Variants in IPO9 observed in about 807,000 individuals in gnomAD.
IPO9 encodes the protein importin-9.
In IPO9, 28 loss-of-function variants were observed where a neutral mutation model predicts 128.6. That is an observed-to-expected ratio of 0.22 (90% CI 0.16 to 0.30). The LOEUF is 0.30. Ranked by LOEUF, IPO9 falls within the 10% of genes least tolerant of loss-of-function variation. The pLI is 1.00. For missense variants in IPO9, 935 were observed against 1,293.9 expected (o/e 0.72, Z 4.26); for synonymous variants, 455 against 475.8 (o/e 0.96, Z 0.57).
Position 201,874,245 on chromosome 1 carries a change from C to T in IPO9, c.2711-5C>T. The T allele has an allele frequency of 6.2e-7, 1 of 1,613,538 alleles. No individual in the cohort carries two copies. Among genetic ancestry groups the T allele is most frequent in the Non-Finnish European group, 8.5e-7 (1 of 1,179,722 alleles). On this transcript the variant is annotated splice_region_variant and splice_polypyrimidine_tract_variant and intron_variant, in intron 20 of 23. Transcript: ENST00000361565. The stretch of plus-strand genomic sequence containing the variant: ...CTGACTTGAAACCTTTTTCTTCCTT[C>T]CCAGACCCAGAACGCTGGACAAACA...
At chr1:201,840,101 T>C (rs1680009437) in intron 1 of IPO9, among the ~76,000 whole-genome samples, 1 of 152,242 alleles carries the variant, frequency 6.6e-6, no homozygotes, top group Admixed American at 6.5e-5. Context: ...TTATTTTATT[T>C]ACTTTTGAGA....
At chr1:201,845,026 G>C (rs1023853151) in intron 1 of IPO9, among the ~76,000 whole-genome samples, 2 of 87,438 alleles carry the variant, frequency 2.3e-5, no homozygotes, top group Non-Finnish European at 3.2e-5. Flanking sequence ...TTTTTTGGGA[G>C]GGGGGGGCGT....
At chr1:201,859,061 C>T (rs1386270605) in intron 13 of IPO9, 67 bp downstream of exon 13, 2 of 1,523,974 alleles carry the variant, frequency 1.3e-6, no homozygotes, top group Non-Finnish European at 1.8e-6. Flanking sequence ...GGGGAGGGAT[C>T]AGCATTAGGA....
intron 1 of IPO9, among the ~76,000 whole-genome samples, chr1:201,843,947 TAATA>T (rs1380787514): frequency 1.3e-5 from 2 of 152,072 alleles, no homozygotes; most frequent in East Asian, 1.9e-4. Flanking sequence ...TATAATATTG[TAATA>T]AATAAAGGAG....
At position 201,877,339 on chromosome 1, in the gene IPO9, T is replaced by A. The variant is rs1680783500; in HGVS notation, c.*1285T>A. 1 of 152,130 alleles carries A rather than the reference T, an allele frequency of 6.6e-6. No individual in the cohort carries two copies. Among genetic ancestry groups the A allele is most frequent in the Non-Finnish European group, 1.5e-5 (1 of 68,034 alleles). The allele number at this position is 152,130 out of a possible 1,614,324, so 9.4% of individuals were successfully genotyped here. A position where few individuals can be genotyped will look rare whatever the true frequency, so the allele number is the denominator to read the frequency against. Reference sequence around the variant, plus strand: ...AACACAGTGAAACCTGCATTTCTACTAAAAATACAAAAATTAGCTGGGCAT... The same window carrying A: ...AACACAGTGAAACCTGCATTTCTACAAAAAATACAAAAATTAGCTGGGCAT... On this transcript the variant is annotated 3_prime_UTR_variant, in exon 24 of 24. Coordinates refer to ENST00000361565, the MANE Select transcript of IPO9 (RefSeq NM_018085.5).
In IPO9 at chr1:201,883,200, A is replaced by C. The variant is rs541886792; in HGVS notation, c.*7146A>C. ...CCCCCCCCAACAACTTAGTCCAAGAACATACCTGAATTCTTTGCATTTCCT... is the reference window on the plus strand; with the variant it reads ...CCCCCCCCAACAACTTAGTCCAAGACCATACCTGAATTCTTTGCATTTCCT... On this transcript the variant is annotated 3_prime_UTR_variant, in exon 24 of 24. Transcript: ENST00000361565. 3 of 142,708 alleles carry C rather than the reference A, an allele frequency of 2.1e-5. No individual in the cohort carries two copies. Among genetic ancestry groups the C allele is most frequent in the Non-Finnish European group, 4.6e-5 (3 of 64,674 alleles). The allele number at this position is 142,708 out of a possible 1,614,324, so 8.8% of individuals were successfully genotyped here. A position where few individuals can be genotyped will look rare whatever the true frequency, so the allele number is the denominator to read the frequency against.
chr1:201,867,873 C>T (rs1680584003), intron 15 of IPO9, among the ~76,000 whole-genome samples: 1 of 152,098 alleles, frequency 6.6e-6, no homozygotes, highest in Non-Finnish European at 1.5e-5. Context: ...AAAATGTGTA[C>T]TGAGGAGCTT....
chr1:201,856,412 A>G (rs889857435), intron 10 of IPO9, among the ~76,000 whole-genome samples: 8 of 152,172 alleles, frequency 5.3e-5, no homozygotes, highest in Non-Finnish European at 8.8e-5. Flanking sequence ...AAGAACGTTC[A>G]AAAATTAGAT....
At chr1:201,869,794 C>G (rs1156492934) in intron 17 of IPO9, 76 bp downstream of exon 17, 1 of 1,497,916 alleles carries the variant, frequency 6.7e-7, no homozygotes, top group Non-Finnish European at 9.0e-7. Context: ...AGAAATCTGA[C>G]ATGGTTTTAT....
intron 6 of IPO9, 36 bp from the exon 7 acceptor site, chr1:201,854,559 G>T: frequency 1.2e-6 from 2 of 1,609,782 alleles, no homozygotes; most frequent in Non-Finnish European, 1.7e-6. Context: ...ATGGATTAGG[G>T]GTTTGTCCAG....
At chr1:201,860,528 C>G (rs887069883) in intron 13 of IPO9, among the ~76,000 whole-genome samples, 4 of 152,178 alleles carry the variant, frequency 2.6e-5, no homozygotes, top group Admixed American at 6.5e-5. Flanking sequence ...CCCATCAACA[C>G]ATTTCTTATA....
At chr1:201,866,569 G>A (rs902201959) in intron 14 of IPO9, among the ~76,000 whole-genome samples, 164 bp from the exon 15 acceptor site, 1 of 152,016 alleles carries the variant, frequency 6.6e-6, no homozygotes, top group Admixed American at 6.6e-5. Context: ...AAATGGTGGT[G>A]TTGATGTTTA....
intron 13 of IPO9, among the ~76,000 whole-genome samples, chr1:201,860,121 C>T (rs1332262982): frequency 6.6e-6 from 1 of 152,206 alleles, no homozygotes. Flanking sequence ...GAAAACACTG[C>T]CTTTGCTTTC....
chr1:201,859,049 TGGG>T (rs1446842264), intron 13 of IPO9, 55 bp downstream of exon 13: 1 of 1,566,510 alleles, frequency 6.4e-7, no homozygotes, highest in Admixed American at 1.7e-5. Context: ...GTTGTGGGGT[TGGG>T]GGAGGGATCA....
Position 201,858,441 on chromosome 1 carries a change from C to CTA in IPO9, c.1222-3_1222-2dup. 1 of 1,512,446 alleles carries CTA rather than the reference C, an allele frequency of 6.6e-7. No homozygotes were observed. Among genetic ancestry groups the CTA allele is most frequent in the East Asian group, 2.3e-5 (1 of 43,740 alleles). The allele number at this position is 1,512,446 out of a possible 1,614,324, so 93.7% of individuals were successfully genotyped here. ...AACAGATTTATTAGCTCTTCTCTCT[C>CTA]TATAGGCTGTGGCCACAGATTTCCA... On this transcript the variant is annotated splice_region_variant and splice_polypyrimidine_tract_variant and intron_variant, in intron 11 of 23. Transcript: ENST00000361565.
At position 201,876,078 on chromosome 1, in the gene IPO9, C is replaced by A; in HGVS notation, c.*24C>A. 6.7e-7 allele frequency: 1 copy of A among 1,492,424 alleles called. No individual in the cohort carries two copies. The highest frequency in any genetic ancestry group is 9.4e-7 in the Non-Finnish European group (1 of 1,068,988). The allele number at this position is 1,492,424 out of a possible 1,614,324, so 92.4% of individuals were successfully genotyped here. ...AAAAAGGGGAGCCTTTCTACATTTG[C>A]TCCTTCTGGGCCAGCCGCAAACCAT... On this transcript the variant is annotated 3_prime_UTR_variant, in exon 24 of 24. Transcript: ENST00000361565.
intron 1 of IPO9, among the ~76,000 whole-genome samples, chr1:201,832,256 C>CT (rs11450190): frequency 0.056 from 8,044 of 143,476 alleles, 756 homozygotes; most frequent in African/African-American, 0.19. Flanking sequence ...CTAGGAAACA[C>CT]TTTTTTTTTT....
In IPO9 at chr1:201,883,299, A is replaced by T. The variant is rs1048422705; in HGVS notation, c.*7245A>T. ...CTGTGCTTCTGGACCCTATGGTGAA[A>T]GCTCTAGTGAACTGCAATTAGGCCC... On this transcript the variant is annotated 3_prime_UTR_variant, in exon 24 of 24. Transcript: ENST00000361565. 6.6e-6 allele frequency: 1 copy of T among 151,982 alleles called. No homozygotes were observed. The highest frequency in any genetic ancestry group is 2.4e-5 in the African/African-American group (1 of 41,366). The allele number at this position is 151,982 out of a possible 1,614,324, so 9.4% of individuals were successfully genotyped here.
intron 1 of IPO9, among the ~76,000 whole-genome samples, chr1:201,837,637 T>C (rs1411991548): frequency 6.6e-6 from 1 of 152,244 alleles, no homozygotes; most frequent in Non-Finnish European, 1.5e-5. Flanking sequence ...CTTTTCACAC[T>C]GTATATTGAA....
Sources: gnomAD v4.1 joint callset for allele counts (sites outside exome capture counted in the v4.1 genomes callset) on GRCh38, gnomAD v4.1.1 for gene constraint, MANE v1.5 for transcripts, NCBI Gene and HGNC (gene_info 2026-07-23, HGNC 2026-07-21) for gene names.